The following LDHA variants were observed in gnomAD, a reference collection of about 807,000 sequenced individuals.
LDHA encodes the protein lactate dehydrogenase A.
A neutral mutation model predicts 36.3 loss-of-function variants in LDHA; 10 were observed. The observed-to-expected ratio is 0.28, with a 90% CI of 0.17 to 0.47. The LOEUF is 0.47. Ranked by LOEUF, LDHA falls within the 20% of genes least tolerant of loss-of-function variation. LDHA has a pLI of 0.99. For synonymous variants in LDHA, 110 were observed against 136.7 expected (o/e 0.80, Z 1.36); for missense variants, 267 against 405.8 (o/e 0.66, Z 2.94).
chr11:18,405,599 T>G, intron 7 of LDHA, 27 bp downstream of exon 7: 1 of 1,611,848 alleles, frequency 6.2e-7, no homozygotes, highest in Non-Finnish European at 8.5e-7. Flanking sequence ...ATACGCTGCA[T>G]TTGAATGCTT....
At chr11:18,405,884 G>T in intron 7 of LDHA, 7 of 315,480 alleles carry the variant, frequency 2.2e-5, no homozygotes, top group South Asian at 6.0e-5. Context: ...ATTCAAGTTA[G>T]CATTATGTTA....
intron 4 of LDHA, among the ~76,000 whole-genome samples, chr11:18,401,435 G>A (rs1005271264): frequency 2.0e-5 from 3 of 147,434 alleles, no homozygotes; most frequent in South Asian, 2.1e-4. Context: ...GTGAGCCACC[G>A]TGCCCAGCCA....
intron 1 of LDHA, chr11:18,396,238 A>G (rs997109650): frequency 6.4e-6 from 2 of 312,462 alleles, no homozygotes; most frequent in South Asian, 1.6e-4. Flanking sequence ...CACGCGCACA[A>G]GTTCCTGGGC....
intron 4 of LDHA, among the ~76,000 whole-genome samples, chr11:18,401,668 G>A (rs909250885): frequency 4.0e-5 from 6 of 149,242 alleles, no homozygotes; most frequent in African/African-American, 9.8e-5. Context: ...TAGTAGAGAC[G>A]GGGTTTCATC....
intron 2 of LDHA, chr11:18,399,150 C>T: frequency 2.4e-6 from 1 of 415,820 alleles, no homozygotes; most frequent in Non-Finnish European, 4.5e-6. Context: ...ATTCTAGCAA[C>T]TGCCAGTCCA....
chr11:18,405,388 TTTTTC>T lies in LDHA; in HGVS notation c.711-57_711-53del. On this transcript the variant is annotated intron_variant, in intron 6 of 7. Coordinates refer to ENST00000422447, the MANE Select transcript of LDHA (RefSeq NM_005566.4). ...AAAATGTGTATTAATGAAAACTTTG[TTTTTC>T]TTTCTTTCTCCCACCCTGCTTTTTC... 3 of 1,578,484 alleles carry T rather than the reference TTTTTC, an allele frequency of 1.9e-6. No individual in the cohort carries two copies. In the South Asian group the frequency reaches 3.3e-5, roughly 18 times the overall value.
chr11:18,394,778 G>A (rs1042035124), intron 1 of LDHA, 142 bp downstream of exon 1: 1 of 404,078 alleles, frequency 2.5e-6, no homozygotes, highest in Non-Finnish European at 5.0e-6. Flanking sequence ...GCACAGCCCA[G>A]AGACGTCTGG....
chr11:18,400,784 G>C (rs751881685), intron 3 of LDHA, 53 bp from the exon 4 acceptor site: 1 of 1,471,080 alleles, frequency 6.8e-7, no homozygotes, highest in South Asian at 1.1e-5. Context: ...TTGCTGCCTA[G>C]GTAAAATTTA....
rs1202942355 is a variant in LDHA, at chr11:18,394,607, C to A, written c.-54C>A. Reference sequence around the variant, plus strand: ...CGATTCCGGATCTCATTGCCACGCGCCCCCGACGACCGCCCGACGTGCATT... The same window carrying A: ...CGATTCCGGATCTCATTGCCACGCGACCCCGACGACCGCCCGACGTGCATT... On this transcript the variant is annotated 5_prime_UTR_variant, in exon 1 of 8. Coordinates refer to ENST00000422447, the MANE Select transcript of LDHA (RefSeq NM_005566.4). 1 of 454,142 alleles carries A rather than the reference C, an allele frequency of 2.2e-6. No homozygotes were observed. The highest frequency in any genetic ancestry group is 1.6e-5 in the South Asian group (1 of 64,476). 28.1% of individuals were successfully genotyped at this position (454,142 alleles called of 1,614,324 possible). A position where few individuals can be genotyped will look rare whatever the true frequency, so the allele number is the denominator to read the frequency against.
intron 4 of LDHA, 73 bp downstream of exon 4, chr11:18,401,083 T>C: frequency 3.7e-6 from 2 of 534,052 alleles, no homozygotes; most frequent in Non-Finnish European, 5.6e-6. Context: ...ATATTATATA[T>C]ATTTTAAATA....
chr11:18,396,149 C>T (rs1018705980), intron 1 of LDHA: 2 of 178,064 alleles, frequency 1.1e-5, no homozygotes, highest in Non-Finnish European at 2.3e-5. Context: ...CTTCTGCCTT[C>T]TGGCCCGATG....
At chr11:18,395,751 A>C (rs1224595344) in intron 1 of LDHA, among the ~76,000 whole-genome samples, 2 of 152,222 alleles carry the variant, frequency 1.3e-5, no homozygotes, top group Non-Finnish European at 2.9e-5. Flanking sequence ...TTGGATTAAC[A>C]AGGTGGAAAG....
In LDHA at chr11:18,399,529, A is replaced by G; in HGVS notation, c.225A>G (p.Pro75=). 1 of 1,604,874 alleles carries G rather than the reference A, an allele frequency of 6.2e-7. No homozygotes were observed. Among genetic ancestry groups the G allele is most frequent in the Non-Finnish European group, 8.5e-7 (1 of 1,171,622 alleles). The stretch of plus-strand genomic sequence containing the variant: ...ATGGCAGCCTTTTCCTTAGAACACC[A>G]AAGATTGTCTCTGGCAAAGGTTGAT... The part of the protein sequence containing the change: ...LQHGSLFLRT[P]KIVSGKDYNV... The change falls in exon 3 of 8, where the codon CCA becomes CCG. Residue 75 remains proline (P), a synonymous_variant. Transcript: ENST00000422447.
chr11:18,402,782 T>C (rs1800798800), intron 4 of LDHA, 58 bp from the exon 5 acceptor site: 2 of 1,316,622 alleles, frequency 1.5e-6, no homozygotes, highest in Non-Finnish European at 2.2e-6. Context: ...AGTAGGTATA[T>C]CTTTTTTGTG....
intron 4 of LDHA, 86 bp from the exon 5 acceptor site, chr11:18,402,754 G>T (rs1866550323): frequency 4.0e-6 from 4 of 1,011,762 alleles, no homozygotes; most frequent in East Asian, 2.4e-5. Flanking sequence ...CTAGTATCTG[G>T]TTAAGTGTTT....
chr11:18,405,368 G>C, intron 6 of LDHA, 81 bp from the exon 7 acceptor site: 1 of 1,368,352 alleles, frequency 7.3e-7, no homozygotes, highest in Non-Finnish European at 1.0e-6. Context: ...ACTGTAAAAT[G>C]TGTATTAATG....
chr11:18,407,159 T>G lies in LDHA; in HGVS notation c.877T>G (p.Cys293Gly), dbSNP rs1351386042. 1 of 1,612,166 alleles carries G rather than the reference T, an allele frequency of 6.2e-7. No individual in the cohort carries two copies. Among genetic ancestry groups the G allele is most frequent in the Admixed American group, 1.7e-5 (1 of 59,736 alleles). Residue 293 changes from cysteine to glycine, a missense_variant, in exon 8 of 8, where the codon TGC becomes GGC. Cys to Gly is a radical substitution (Grantham distance 159). Coordinates refer to ENST00000422447, the MANE Select transcript of LDHA (RefSeq NM_005566.4). ...GGATGATGTCTTCCTTAGTGTTCCT[T>G]GCATTTTGGGACAGAATGGAATCTC... ...IKDDVFLSVP[C>G]ILGQNGISDL...
At chr11:18,402,067 C>T (rs1335828671) in intron 4 of LDHA, among the ~76,000 whole-genome samples, 1 of 147,774 alleles carries the variant, frequency 6.8e-6, no homozygotes, top group Non-Finnish European at 1.5e-5. Context: ...AGCAATTCTC[C>T]TGCCTCAGCC....
At chr11:18,396,304 G>A (rs1315782304) in intron 1 of LDHA, 1 of 384,616 alleles carries the variant, frequency 2.6e-6, no homozygotes, top group Non-Finnish European at 4.6e-6. Context: ...GGAGGACCCA[G>A]CAATTAGTCT....
Sources: gnomAD v4.1 joint callset for allele counts (sites outside exome capture counted in the v4.1 genomes callset) on GRCh38, gnomAD v4.1.1 for gene constraint, MANE v1.5 for transcripts, NCBI Gene and HGNC (gene_info 2026-07-23, HGNC 2026-07-21) for gene names.